Variants in MECOM observed in about 807,000 individuals in gnomAD.
MECOM encodes histone-lysine N-methyltransferase MECOM.
Under a neutral mutation model 116.3 loss-of-function variants are expected in MECOM, and 13 were observed. The ratio of observed to expected loss-of-function variants is 0.11; its 90% confidence interval spans 0.07 to 0.18. MECOM has a LOEUF of 0.18. Among genes scored for constraint, MECOM ranks in the 10% least tolerant of loss-of-function variants. MECOM has a pLI of 1.00. For missense variants in MECOM, 1,299 were observed against 1,509.0 expected, an observed-to-expected ratio of 0.86 and a Z score of 2.31; for synonymous variants, 528 against 535.2, an observed-to-expected ratio of 0.99 and a Z score of 0.19.
chr3:169,249,989 T>G (rs1043364168), intron 2 of MECOM, among the ~76,000 whole-genome samples: 1 of 152,292 alleles, frequency 6.6e-6, no homozygotes. Flanking sequence ...ATTCTGCATA[T>G]GATTAAGCAC....
intron 1 of MECOM, among the ~76,000 whole-genome samples, chr3:169,398,858 C>T (rs1319619813): frequency 8.5e-5 from 13 of 152,160 alleles, no homozygotes; most frequent in East Asian, 3.9e-4. Flanking sequence ...AATGTATGTG[C>T]GGGTGGCTAC....
chr3:169,236,217 A>G (rs557030319), intron 2 of MECOM, among the ~76,000 whole-genome samples: 1 of 152,290 alleles, frequency 6.6e-6, no homozygotes, highest in East Asian at 1.9e-4. Context: ...TTTTTTATTT[A>G]TGCTTTCAAC....
intron 1 of MECOM, among the ~76,000 whole-genome samples, chr3:169,562,176 GA>G (rs10714324): frequency 0.11 from 9,234 of 87,098 alleles, 700 homozygotes; most frequent in African/African-American, 0.25. Context: ...AAGAAAGAAA[GA>G]AAAAAAAAAG....
chr3:169,650,430 A>C (rs1265511358), intron 1 of MECOM, among the ~76,000 whole-genome samples: 1 of 152,154 alleles, frequency 6.6e-6, no homozygotes, highest in Non-Finnish European at 1.5e-5. Context: ...TTGAGGCCTG[A>C]AACTCTGACA....
intron 2 of MECOM, among the ~76,000 whole-genome samples, chr3:169,291,594 T>A (rs1714557463): frequency 6.6e-6 from 1 of 152,156 alleles, no homozygotes; most frequent in Non-Finnish European, 1.5e-5. Context: ...TGTTCCCTCA[T>A]AAACTAAGTT....
Position 169,146,702 on chromosome 3 carries a change from TA to T in MECOM, c.376-2871del, listed in dbSNP as rs1481120675. On this transcript the variant is annotated intron_variant, in intron 2 of 16. Transcript: ENST00000651503. ...ACATCGCCCAGACTTTTTTTCCTTT[TA>T]AAGTGAGGAGTTCTCTTACCTTTAG... is the stretch of plus-strand genomic sequence containing the variant. The T allele has an allele frequency of 6.3e-6, 8 of 1,263,660 alleles. No homozygotes were observed. In the East Asian group the frequency reaches 3.2e-4, roughly 51 times the overall value. The allele number at this position is 1,263,660 out of a possible 1,614,324, so 78.3% of individuals were successfully genotyped here.
At chr3:169,532,444 T>C (rs968309024) in intron 1 of MECOM, among the ~76,000 whole-genome samples, 3 of 152,010 alleles carry the variant, frequency 2.0e-5, no homozygotes, top group Non-Finnish European at 2.9e-5. Flanking sequence ...GCTAGGAAAA[T>C]AGAAGAGCAA....
intron 1 of MECOM, among the ~76,000 whole-genome samples, chr3:169,659,560 A>G (rs1776004752): frequency 6.7e-6 from 1 of 149,700 alleles, no homozygotes; most frequent in African/African-American, 2.5e-5. Context: ...ATGGTCAAGT[A>G]ATAGCAAATA....
At chr3:169,339,999 T>C (rs538253772) in intron 2 of MECOM, among the ~76,000 whole-genome samples, 43 of 152,322 alleles carry the variant, frequency 2.8e-4, no homozygotes, top group Non-Finnish European at 1.8e-4. Context: ...GCCCAAGACA[T>C]GTGAAATGAA....
rs576084911 is a variant in MECOM at position 169,552,092 on chromosome 3, T to C, written c.37+111244A>G. 1.6e-3 allele frequency among the ~76,000 whole-genome samples: 248 copies of C among 152,014 alleles called. 1 individual carries two copies. The highest frequency in any genetic ancestry group is 5.6e-3 in the African/African-American group (233 of 41,516). On this transcript the variant is annotated intron_variant, in intron 1 of 16. Coordinates refer to ENST00000651503, the MANE Select transcript of MECOM (RefSeq NM_004991.4). ...GGCTTCTTTTTAGGAGATGAAAATG[T>C]TCTGGAATCAGACAGTGGTAATGCT...
At chr3:169,126,747 A>T (rs980463869) in intron 5 of MECOM, among the ~76,000 whole-genome samples, 2 of 152,094 alleles carry the variant, frequency 1.3e-5, no homozygotes, top group Non-Finnish European at 1.5e-5. Flanking sequence ...GAACTACTAG[A>T]TGAAATCCTT....
intron 16 of MECOM, among the ~76,000 whole-genome samples, chr3:169,087,505 G>A (rs998507910): frequency 2.0e-5 from 3 of 152,038 alleles, no homozygotes; most frequent in African/African-American, 7.3e-5. Flanking sequence ...CCTGAGGTGG[G>A]AGGATCACTT....
At chr3:169,620,990 A>T (rs920688445) in intron 1 of MECOM, among the ~76,000 whole-genome samples, 12 of 152,212 alleles carry the variant, frequency 7.9e-5, no homozygotes, top group African/African-American at 2.9e-4. Context: ...GTCTTAAGAA[A>T]GTCACTTTAC....
intron 1 of MECOM, among the ~76,000 whole-genome samples, chr3:169,477,839 T>A (rs905647444): frequency 6.6e-6 from 1 of 152,198 alleles, no homozygotes; most frequent in East Asian, 1.9e-4. Context: ...ACATATTATC[T>A]TCAGAACCTG....
chr3:169,572,471 C>T (rs1336176143), intron 1 of MECOM, among the ~76,000 whole-genome samples: 1 of 152,152 alleles, frequency 6.6e-6, no homozygotes, highest in Non-Finnish European at 1.5e-5. Flanking sequence ...TACCATTTGA[C>T]CCAGCAATCC....
At chr3:169,149,646 C>A (rs749274599) in intron 2 of MECOM, 1 of 503,918 alleles carries the variant, frequency 2.0e-6, no homozygotes. Context: ...ACACTGCAGT[C>A]CAGGCATGTA....
chr3:169,583,816 G>A (rs1285865352), intron 1 of MECOM, among the ~76,000 whole-genome samples: 1 of 151,010 alleles, frequency 6.6e-6, no homozygotes, highest in Non-Finnish European at 1.5e-5. Flanking sequence ...TGTTGCTCAG[G>A]CTGGTCTTGA....
chr3:169,551,617 T>C (rs1761414977), intron 1 of MECOM, among the ~76,000 whole-genome samples: 2 of 152,358 alleles, frequency 1.3e-5, no homozygotes, highest in South Asian at 4.1e-4. Flanking sequence ...TATTTGGGAA[T>C]GATGCAGCTC....
chr3:169,180,794 GATATATAT>G (rs10576266), intron 2 of MECOM, among the ~76,000 whole-genome samples: 2 of 108,792 alleles, frequency 1.8e-5, no homozygotes, highest in East Asian at 3.3e-4. Context: ...GTGTGGAGAT[GATATATAT>G]ATATATATAT....
Sources: allele counts gnomAD v4.1 joint callset (sites outside exome capture counted in the v4.1 genomes callset), GRCh38; gene constraint gnomAD v4.1.1; transcripts MANE v1.5; gene names NCBI Gene and HGNC (gene_info 2026-07-23, HGNC 2026-07-21).